NR3C1: variants seen among roughly 807,000 people sequenced by gnomAD.
The protein encoded by NR3C1 is nuclear receptor subfamily 3 group C member 1, also known as glucocorticoid receptor.
NR3C1 carries 14 observed loss-of-function variants against 74.0 expected under a neutral mutation model. The observed-to-expected ratio is 0.19, with a 90% CI of 0.12 to 0.30. NR3C1 has a LOEUF of 0.30. Ranked by LOEUF, NR3C1 falls within the 10% of genes least tolerant of loss-of-function variation. The pLI is 1.00. For synonymous variants in NR3C1, 308 were observed against 332.5 expected, an observed-to-expected ratio of 0.93 and a Z score of 0.80; for missense variants, 695 against 909.8, an observed-to-expected ratio of 0.76 and a Z score of 3.04.
At chr5:143,363,096 C>T (rs1832580114) in intron 2 of NR3C1, among the ~76,000 whole-genome samples, 1 of 152,132 alleles carries the variant, frequency 6.6e-6, no homozygotes, top group Admixed American at 6.5e-5. Flanking sequence ...AAGGCCTGCC[C>T]TAATGCATAC....
At chr5:143,291,589 T>G (rs1336016345) in intron 7 of NR3C1, among the ~76,000 whole-genome samples, 1 of 152,128 alleles carries the variant, frequency 6.6e-6, no homozygotes, top group Non-Finnish European at 1.5e-5. Context: ...ACCTCCTAGT[T>G]AAAAAAATAG....
At chr5:143,285,776 C>A (rs183509658) in intron 7 of NR3C1, among the ~76,000 whole-genome samples, 1 of 152,114 alleles carries the variant, frequency 6.6e-6, no homozygotes, top group East Asian at 1.9e-4. Flanking sequence ...AGAAAATTTA[C>A]AGCATTAAAA....
chr5:143,352,610 A>G (rs933922975), intron 2 of NR3C1, among the ~76,000 whole-genome samples: 12 of 152,218 alleles, frequency 7.9e-5, no homozygotes, highest in Non-Finnish European at 1.6e-4. Context: ...TGAATATTGC[A>G]ACAAAGCAAG....
chr5:143,424,040 C>T lies in NR3C1; in HGVS notation c.-14+10492G>A, dbSNP rs528196835. 4.7e-4 allele frequency among the ~76,000 whole-genome samples: 54 copies of T among 115,676 alleles called. 1 individual carries two copies. In the South Asian group the frequency reaches 0.013, roughly 27 times the overall value. The allele number at this position is 115,676 out of a possible 152,430, so 75.9% of individuals were successfully genotyped here. A position where few individuals can be genotyped will look rare whatever the true frequency, so the allele number is the denominator to read the frequency against. On this transcript the variant is annotated intron_variant, in intron 1 of 8. Coordinates refer to the NR3C1 transcript ENST00000343796. ...GAACACATGGACACAGGAAGGGGAA[C>T]ATCACACTCTGGGGACTGTTGTGGG...
chr5:143,407,523 A>G (rs1227267209), upstream of NR3C1: 2 of 152,246 alleles, frequency 1.3e-5, no homozygotes, highest in Admixed American at 1.3e-4. Context: ...CCACCAGAAC[A>G]TAAGTTCTGC....
intron 4 of NR3C1, among the ~76,000 whole-genome samples, chr5:143,307,641 C>G (rs1008269409): frequency 6.6e-6 from 1 of 152,004 alleles, no homozygotes; most frequent in Non-Finnish European, 1.5e-5. Context: ...CATTCAAAAC[C>G]TATTTCGAAA....
chr5:143,413,688 T>C (rs1245967418), intron 1 of NR3C1, among the ~76,000 whole-genome samples: 1 of 152,172 alleles, frequency 6.6e-6, no homozygotes, highest in Non-Finnish European at 1.5e-5. Flanking sequence ...TAGTAGTTGT[T>C]CCTGGGAGGG....
intron 2 of NR3C1, among the ~76,000 whole-genome samples, chr5:143,361,866 T>C (rs896900104): frequency 6.6e-6 from 1 of 152,204 alleles, no homozygotes; most frequent in African/African-American, 2.4e-5. Context: ...CAGGAATCAT[T>C]AGATTCTAAA....
chr5:143,425,448 G>A (rs1484085608), intron 1 of NR3C1, among the ~76,000 whole-genome samples: 1 of 152,052 alleles, frequency 6.6e-6, no homozygotes, highest in African/African-American at 2.4e-5. Flanking sequence ...TGTAGACAAC[G>A]TACAGAAATG....
rs1160487677 is a variant in NR3C1 at position 143,403,651 on chromosome 5, G to C, written c.-454C>G. 2.0e-6 allele frequency: 2 copies of C among 985,346 alleles called. No homozygotes were observed. Among genetic ancestry groups the C allele is most frequent in the African/African-American group, 3.5e-5 (2 of 57,248 alleles). The allele number at this position is 985,346 out of a possible 1,614,324, so 61.0% of individuals were successfully genotyped here. On this transcript the variant is annotated 5_prime_UTR_variant, in exon 1 of 9. Transcript: ENST00000394464. ...CGAAAGGGCAGCCCGGCCTGGGCGA[G>C]CGAGCGGGACCGAGCGGGGAGCGGG...
chr5:143,419,928 A>G (rs1751132393), intron 1 of NR3C1, among the ~76,000 whole-genome samples: 1 of 152,156 alleles, frequency 6.6e-6, no homozygotes, highest in African/African-American at 2.4e-5. Flanking sequence ...CATAGAAGAC[A>G]GCCACACCCA....
At chr5:143,341,546 T>G (rs1828225033) in intron 2 of NR3C1, among the ~76,000 whole-genome samples, 1 of 152,226 alleles carries the variant, frequency 6.6e-6, no homozygotes. Context: ...CTACCCCAAG[T>G]AACATCCCTT....
chr5:143,344,844 A>G (rs1828938533), intron 2 of NR3C1, among the ~76,000 whole-genome samples: 1 of 151,932 alleles, frequency 6.6e-6, no homozygotes, highest in African/African-American at 2.4e-5. Flanking sequence ...CTGCACTGCA[A>G]TCCAGCCTGG....
At chr5:143,434,498 C>T (rs1240888686) in intron 1 of NR3C1, 4 of 976,644 alleles carry the variant, frequency 4.1e-6, no homozygotes, top group Non-Finnish European at 4.9e-6. Context: ...CTCACTTTAC[C>T]CAGCTATAGA....
intron 2 of NR3C1, among the ~76,000 whole-genome samples, chr5:143,346,626 G>A (rs547569258): frequency 7.2e-5 from 11 of 152,164 alleles, no homozygotes; most frequent in Admixed American, 5.9e-4. Flanking sequence ...CAAGGAGATC[G>A]CCACCAAAAT....
chr5:143,342,225 T>A (rs1449403625), intron 2 of NR3C1, among the ~76,000 whole-genome samples: 1 of 152,268 alleles, frequency 6.6e-6, no homozygotes, highest in East Asian at 1.9e-4. Flanking sequence ...GATCATACTA[T>A]AATGACGGAG....
intron 2 of NR3C1, among the ~76,000 whole-genome samples, chr5:143,324,552 G>C (rs150726365): frequency 6.6e-6 from 1 of 152,196 alleles, no homozygotes; most frequent in Non-Finnish European, 1.5e-5. Context: ...AAGGGCTGCT[G>C]TGAAGGTCTC....
At chr5:143,423,961 AAG>A (rs1379963509) in intron 1 of NR3C1, among the ~76,000 whole-genome samples, 2 of 142,328 alleles carry the variant, frequency 1.4e-5, no homozygotes, top group African/African-American at 2.6e-5. Flanking sequence ...AGGGGGGATA[AAG>A]AGGGGGTGTT....
chr5:143,400,600 T>C lies in NR3C1; in HGVS notation c.240A>G (p.Lys80=). The C allele has an allele frequency of 6.2e-7, 1 of 1,614,264 alleles. No individual in the cohort carries two copies. The highest frequency in any genetic ancestry group is 8.5e-7 in the Non-Finnish European group (1 of 1,180,042). Residue 80 remains lysine, a synonymous_variant, in exon 2 of 9, where the codon AAA becomes AAG. Transcript: ENST00000394464. ...ACAGTCCCATTGAGAGTGAAACTGC[T>C]TTGGACAGATCTGGCTGCTGCGCAT... The part of the protein sequence containing the change: ...VSNAQQPDLS[K]AVSLSMGLYM...
Sources: allele counts gnomAD v4.1 joint callset (sites outside exome capture counted in the v4.1 genomes callset), GRCh38; gene constraint gnomAD v4.1.1; transcripts MANE v1.5; gene names NCBI Gene and HGNC (gene_info 2026-07-23, HGNC 2026-07-21).